Variants in PDLIM5 observed in about 807,000 individuals in gnomAD.
PDLIM5 encodes the protein PDZ and LIM domain protein 5.
PDLIM5 carries 34 observed loss-of-function variants against 64.2 expected under a neutral mutation model. That is an observed-to-expected ratio of 0.53 (90% CI 0.40 to 0.71). The LOEUF (loss-of-function observed/expected upper bound fraction) is 0.71. Among genes scored for constraint, PDLIM5 ranks in the 30% least tolerant of loss-of-function variants. The probability of loss-of-function intolerance (pLI) is 0.00; values close to 1 mark genes in which losing one functional copy is unlikely to be tolerated. For synonymous variants in PDLIM5, 253 were observed against 269.1 expected (o/e 0.94, Z 0.59); for missense variants, 683 against 733.6 (o/e 0.93, Z 0.80).
At chr4:94,650,449 G>A (rs1741753442) in intron 9 of PDLIM5, among the ~76,000 whole-genome samples, 1 of 152,036 alleles carries the variant, frequency 6.6e-6, no homozygotes, top group Non-Finnish European at 1.5e-5. Flanking sequence ...TTATAGCTTT[G>A]GGAAACTTGT....
intron 3 of PDLIM5, among the ~76,000 whole-genome samples, chr4:94,565,640 AAGG>A (rs1734256474): frequency 6.6e-6 from 1 of 152,208 alleles, no homozygotes; most frequent in Non-Finnish European, 1.5e-5. Context: ...AGCACCAGAG[AAGG>A]TATTCACTAA....
intron 2 of PDLIM5, among the ~76,000 whole-genome samples, chr4:94,487,465 A>G (rs1283865037): frequency 1.3e-5 from 2 of 152,184 alleles, no homozygotes; most frequent in African/African-American, 4.8e-5. Context: ...GCATCCAGAT[A>G]TGTTCTTCAA....
chr4:94,576,727 A>G (rs1482238174), intron 5 of PDLIM5, among the ~76,000 whole-genome samples: 1 of 152,254 alleles, frequency 6.6e-6, no homozygotes, highest in Non-Finnish European at 1.5e-5. Flanking sequence ...ACATGTTAGC[A>G]GAACACTTTG....
chr4:94,586,374 AAACT>A (rs750977817), intron 6 of PDLIM5, 30 bp from the exon 7 acceptor site: 1 of 1,222,380 alleles, frequency 8.2e-7, no homozygotes, highest in South Asian at 1.3e-5. Context: ...TAAACAAAAC[AAACT>A]AATATTGGAT....
Position 94,642,317 on chromosome 4 carries a change from A to C in PDLIM5, c.1283+1867A>C, listed in dbSNP as rs545752887. Among the ~76,000 whole-genome samples the C allele has an allele frequency of 1.1e-4, 16 of 152,318 alleles. No individual in the cohort carries two copies. The South Asian group carries it at 3.3e-3, about 32-fold the overall frequency. On this transcript the variant is annotated intron_variant, in intron 9 of 12. Transcript: ENST00000317968. Reference sequence around the variant, plus strand: ...TTGTGTAGTTATCAAATTCCATGATATCCTGTAATCACCACTTCCGGCACT... The same window carrying C: ...TTGTGTAGTTATCAAATTCCATGATCTCCTGTAATCACCACTTCCGGCACT...
At chr4:94,566,517 T>C (rs531622255) in intron 3 of PDLIM5, among the ~76,000 whole-genome samples, 1 of 152,316 alleles carries the variant, frequency 6.6e-6, no homozygotes, top group South Asian at 2.1e-4. Flanking sequence ...CTGCTTACTT[T>C]GTGTCAAGCA....
chr4:94,573,371 C>T lies in PDLIM5; in HGVS notation c.269C>T (p.Pro90Leu). Residue 90 changes from proline to leucine, a missense_variant, in exon 4 of 13, where the codon CCT becomes CTT. Pro to Leu is a moderately conservative substitution (Grantham distance 98). Coordinates refer to ENST00000317968, the MANE Select transcript of PDLIM5 (RefSeq NM_006457.5). Reference protein sequence around the residue: ...TLQRASAAPKPEPVPVQKGEP... With the variant: ...TLQRASAAPKLEPVPVQKGEP... ...CTCAGAGCATCTGCTGCACCCAAGC[C>T]TGAGCCGGTTCCTGTTCAAAAGGTG... is the stretch of plus-strand genomic sequence containing the variant. 6.2e-7 allele frequency: 1 copy of T among 1,612,724 alleles called. No homozygotes were observed.
intron 3 of PDLIM5, among the ~76,000 whole-genome samples, chr4:94,564,650 T>C (rs113210464): frequency 2.5e-3 from 323 of 128,118 alleles, no homozygotes; most frequent in South Asian, 0.016. Context: ...AGGAGGAATT[T>C]TGTCTCTTTT....
chr4:94,496,907 C>A (rs1727452100), intron 2 of PDLIM5, among the ~76,000 whole-genome samples: 1 of 152,084 alleles, frequency 6.6e-6, no homozygotes, highest in South Asian at 2.1e-4. Flanking sequence ...TGAAGTAGTT[C>A]CAGAAATATT....
At chr4:94,484,744 G>A (rs1726162935) in intron 2 of PDLIM5, among the ~76,000 whole-genome samples, 1 of 152,130 alleles carries the variant, frequency 6.6e-6, no homozygotes, top group Admixed American at 6.5e-5. Context: ...TGGACCTAGT[G>A]CTATTTACTG....
In PDLIM5 at chr4:94,523,771, T is replaced by C; in HGVS notation, c.144T>C (p.Asp48=). Residue 48 remains aspartate, a synonymous_variant, in exon 3 of 13, where the codon GAT becomes GAC. Transcript: ENST00000317968. ...CCCAGGCAAATGTAAGAATAGGCGA[T>C]GTGGTTCTCAGCATTGATGGAATAA... The part of the protein sequence containing the change: ...KAAQANVRIG[D]VVLSIDGINA... 1 of 1,612,932 alleles carries C rather than the reference T, an allele frequency of 6.2e-7. No homozygotes were observed. Among genetic ancestry groups the C allele is most frequent in the Non-Finnish European group, 8.5e-7 (1 of 1,178,942 alleles).
chr4:94,624,465 A>T (rs745435940), intron 8 of PDLIM5, among the ~76,000 whole-genome samples: 9 of 152,216 alleles, frequency 5.9e-5, no homozygotes, highest in Admixed American at 2.6e-4. Context: ...ATCATCAAAA[A>T]GGTGCAAAGA....
intron 2 of PDLIM5, among the ~76,000 whole-genome samples, chr4:94,490,403 T>C (rs1340052869): frequency 2.0e-5 from 3 of 152,094 alleles, no homozygotes; most frequent in African/African-American, 4.8e-5. Flanking sequence ...TAAAGACTTA[T>C]AAGTAAAATA....
intron 8 of PDLIM5, among the ~76,000 whole-genome samples, chr4:94,638,374 A>G (rs994121088): frequency 6.6e-6 from 1 of 152,194 alleles, no homozygotes; most frequent in Non-Finnish European, 1.5e-5. Flanking sequence ...CACTTGAAAC[A>G]TGGGCAATAA....
At chr4:94,551,798 C>T (rs1032185917) in intron 3 of PDLIM5, among the ~76,000 whole-genome samples, 1 of 152,028 alleles carries the variant, frequency 6.6e-6, no homozygotes, top group Non-Finnish European at 1.5e-5. Context: ...AAAAAGTGGT[C>T]ACAACTGAGG....
intron 3 of PDLIM5, among the ~76,000 whole-genome samples, chr4:94,557,744 G>T (rs1311354112): frequency 6.6e-6 from 1 of 152,116 alleles, no homozygotes; most frequent in East Asian, 1.9e-4. Context: ...TGTGGTTTTT[G>T]TACATTGGTT....
chr4:94,499,856 G>A (rs545845995), intron 2 of PDLIM5, among the ~76,000 whole-genome samples: 8 of 152,280 alleles, frequency 5.3e-5, no homozygotes, highest in Admixed American at 2.0e-4. Context: ...ACGTGCAAGG[G>A]ATCTGGGTTG....
chr4:94,542,787 T>G (rs1731937049), intron 3 of PDLIM5, among the ~76,000 whole-genome samples: 1 of 152,194 alleles, frequency 6.6e-6, no homozygotes, highest in Admixed American at 6.5e-5. Context: ...TTTTCCATGG[T>G]TCCTGGTAAA....
At chr4:94,565,470 A>G (rs1232698925) in intron 3 of PDLIM5, among the ~76,000 whole-genome samples, 1 of 152,190 alleles carries the variant, frequency 6.6e-6, no homozygotes, top group Non-Finnish European at 1.5e-5. Context: ...TCATTCTGTT[A>G]TTGGTAGCAT....
Sources: allele counts gnomAD v4.1 joint callset (sites outside exome capture counted in the v4.1 genomes callset), GRCh38; gene constraint gnomAD v4.1.1; transcripts MANE v1.5; gene names NCBI Gene and HGNC (gene_info 2026-07-23, HGNC 2026-07-21).